PRLR: variants seen among roughly 807,000 people sequenced by gnomAD.
PRLR encodes hPRL receptor.
PRLR carries 13 observed loss-of-function variants against 40.2 expected under a neutral mutation model. The ratio of observed to expected loss-of-function variants is 0.32; its 90% CI spans 0.21 to 0.51. The LOEUF (loss-of-function observed/expected upper bound fraction) is 0.51. Among genes scored for constraint, PRLR ranks in the 20% least tolerant of loss-of-function variants. The pLI is 0.97. For synonymous variants in PRLR, 269 were observed against 278.7 expected (o/e 0.97, Z 0.35); for missense variants, 656 against 747.3 (o/e 0.88, Z 1.42).
chr5:35,204,714 A>G (rs1775970577), intron 1 of PRLR, among the ~76,000 whole-genome samples: 1 of 152,196 alleles, frequency 6.6e-6, no homozygotes. Flanking sequence ...CACCAGCCTT[A>G]CACATGACAA....
intron 1 of PRLR, among the ~76,000 whole-genome samples, chr5:35,132,629 C>G (rs1209892218): frequency 6.6e-6 from 1 of 152,190 alleles, no homozygotes; most frequent in Admixed American, 6.5e-5. Flanking sequence ...TGGTGAATTA[C>G]TCTAAATTGT....
chr5:35,155,081 C>A (rs1389704275), intron 1 of PRLR, among the ~76,000 whole-genome samples: 3 of 148,808 alleles, frequency 2.0e-5, no homozygotes, highest in Admixed American at 6.6e-5. Flanking sequence ...TGCAGCAAAC[C>A]ACCACGGCAC....
intron 2 of PRLR, among the ~76,000 whole-genome samples, chr5:35,090,812 T>C (rs1457874587): frequency 1.9e-5 from 2 of 102,876 alleles, no homozygotes; most frequent in Non-Finnish European, 1.9e-5. Context: ...TTTTTTTTTT[T>C]TTTTTTTTTT....
chr5:35,107,836 T>C (rs979288675), intron 2 of PRLR, among the ~76,000 whole-genome samples: 2 of 152,008 alleles, frequency 1.3e-5, no homozygotes, highest in African/African-American at 2.4e-5. Context: ...ACTATTCCAA[T>C]CAATAGAAAA....
intron 5 of PRLR, among the ~76,000 whole-genome samples, chr5:35,074,850 G>C (rs1363320822): frequency 1.3e-5 from 2 of 152,042 alleles, no homozygotes; most frequent in Non-Finnish European, 2.9e-5. Flanking sequence ...TGTAGGTACA[G>C]GCCTTGTGAG....
chr5:35,075,261 A>C (rs958659829), intron 5 of PRLR, among the ~76,000 whole-genome samples: 2 of 152,182 alleles, frequency 1.3e-5, no homozygotes, highest in African/African-American at 4.8e-5. Context: ...CGGGAAGTGC[A>C]AGGGGTCAGG....
At chr5:35,162,123 C>T (rs926890859) in intron 1 of PRLR, among the ~76,000 whole-genome samples, 2 of 152,212 alleles carry the variant, frequency 1.3e-5, no homozygotes, top group Non-Finnish European at 2.9e-5. Flanking sequence ...TAAATTCTAA[C>T]ATTTGTCACA....
At chr5:35,151,221 T>G (rs1406261128) in intron 1 of PRLR, among the ~76,000 whole-genome samples, 3 of 152,212 alleles carry the variant, frequency 2.0e-5, no homozygotes, top group Non-Finnish European at 4.4e-5. Flanking sequence ...TGGTGGTTTC[T>G]AAGAGTAGTG....
rs1769263171 is a variant in PRLR at position 35,065,017 on chromosome 5, G to A, written c.*72C>T. The A allele has an allele frequency of 4.7e-6, 7 of 1,487,062 alleles. No individual in the cohort carries two copies. In the South Asian group the frequency reaches 9.4e-5, roughly 20 times the overall value. 92.1% of individuals were successfully genotyped at this position (1,487,062 alleles called of 1,614,324 possible). ...AGTGTCAGTCTGACTACATTCTTGA[G>A]CATTTCACGTACTCTGTAGTGTTAC... On this transcript the variant is annotated 3_prime_UTR_variant, in exon 10 of 10. Transcript: ENST00000618457.
chr5:35,127,088 C>A (rs944559936), intron 1 of PRLR, among the ~76,000 whole-genome samples: 2 of 152,204 alleles, frequency 1.3e-5, no homozygotes, highest in African/African-American at 4.8e-5. Context: ...TCCTTGCTCC[C>A]AGTCCCTCCT....
intron 2 of PRLR, 66 bp downstream of exon 2, chr5:35,117,995 G>A (rs1321263041): frequency 7.1e-6 from 6 of 843,242 alleles, no homozygotes; most frequent in Non-Finnish European, 4.3e-6. Flanking sequence ...CCCCTGCCCT[G>A]GATGAAACGG....
chr5:35,160,478 T>A (rs1214162410), intron 1 of PRLR, among the ~76,000 whole-genome samples: 1 of 152,176 alleles, frequency 6.6e-6, no homozygotes, highest in Non-Finnish European at 1.5e-5. Context: ...GGAAGACTTT[T>A]AGGTTATGGT....
At chr5:35,188,001 C>G (rs1302152732) in intron 1 of PRLR, among the ~76,000 whole-genome samples, 1 of 152,150 alleles carries the variant, frequency 6.6e-6, no homozygotes, top group Non-Finnish European at 1.5e-5. Flanking sequence ...CTGCATATCC[C>G]CAATCATTTT....
chr5:35,049,903 CT>C (rs57649490), intron 8 of PRLR, among the ~76,000 whole-genome samples: 4,594 of 123,484 alleles, frequency 0.037, 126 homozygotes, highest in African/African-American at 0.11. Flanking sequence ...AAACTACATT[CT>C]TTTTTTTTTT....
At chr5:35,104,956 A>C (rs1292064787) in intron 2 of PRLR, among the ~76,000 whole-genome samples, 4 of 152,180 alleles carry the variant, frequency 2.6e-5, no homozygotes, top group Non-Finnish European at 5.9e-5. Flanking sequence ...TAGCCTAACT[A>C]GGAGACACTT....
chr5:35,146,597 T>A (rs2111843756), intron 1 of PRLR, among the ~76,000 whole-genome samples: 1 of 152,224 alleles, frequency 6.6e-6, no homozygotes, highest in Non-Finnish European at 1.5e-5. Flanking sequence ...GAATAGGAAG[T>A]CAGGAACACA....
intron 5 of PRLR, among the ~76,000 whole-genome samples, chr5:35,073,236 G>A (rs187305758): frequency 2.9e-4 from 44 of 152,218 alleles, no homozygotes; most frequent in African/African-American, 7.2e-4. Context: ...TTCCATCTTC[G>A]TTTCAGCAAT....
At chr5:35,083,158 G>A (rs2112450435) in intron 5 of PRLR, among the ~76,000 whole-genome samples, 1 of 151,952 alleles carries the variant, frequency 6.6e-6, no homozygotes, top group African/African-American at 2.4e-5. Context: ...CACAGTCCAT[G>A]CCAGCACTCC....
rs1768982526 is a variant in PRLR at position 35,060,644 on chromosome 5, T to C, written c.*4445A>G. 1 of 152,224 alleles carries C rather than the reference T, an allele frequency of 6.6e-6. No homozygotes were observed. Among genetic ancestry groups the C allele is most frequent in the African/African-American group, 2.4e-5 (1 of 41,454 alleles). The allele number at this position is 152,224 out of a possible 1,614,324, so 9.4% of individuals were successfully genotyped here. On this transcript the variant is annotated 3_prime_UTR_variant, in exon 10 of 10. Transcript: ENST00000618457. Reference sequence around the variant, plus strand: ...GGTGATGTGATTTAGTCTTGGACATTGAGTGCTCAGTCACTGTCTCAGTGA... The same window carrying C: ...GGTGATGTGATTTAGTCTTGGACATCGAGTGCTCAGTCACTGTCTCAGTGA...
Sources: gnomAD v4.1 joint callset for allele counts (sites outside exome capture counted in the v4.1 genomes callset) on GRCh38, gnomAD v4.1.1 for gene constraint, MANE v1.5 for transcripts, NCBI Gene and HGNC (gene_info 2026-07-23, HGNC 2026-07-21) for gene names.